The following ZNF385D variants were observed in gnomAD, a reference collection of about 807,000 sequenced individuals.
ZNF385D encodes the protein zinc finger protein 385D.
In ZNF385D, 15 loss-of-function variants were observed where a neutral mutation model predicts 35.8. The ratio of observed to expected loss-of-function variants is 0.42; its 90% confidence interval spans 0.28 to 0.64. The LOEUF (loss-of-function observed/expected upper bound fraction) is 0.64, where lower values mean the gene tolerates loss of function less well. Ranked by LOEUF, ZNF385D falls within the 30% of genes least tolerant of loss-of-function variation. The pLI is 0.23. For missense variants in ZNF385D, 474 were observed against 494.6 expected (o/e 0.96, Z 0.39); for synonymous variants, 212 against 186.8 (o/e 1.13, Z -1.10).
chr3:22,228,451 T>C (rs139676793), intron 2 of ZNF385D, among the ~76,000 whole-genome samples: 2 of 152,250 alleles, frequency 1.3e-5, no homozygotes, highest in Non-Finnish European at 2.9e-5. Context: ...GGAAGATCAG[T>C]CAGCACAATT....
chr3:21,791,575 T>A, intron 3 of ZNF385D, among the ~76,000 whole-genome samples: 1 of 152,202 alleles, frequency 6.6e-6, no homozygotes, highest in East Asian at 1.9e-4. Flanking sequence ...GCTTAGAGAC[T>A]TGAGTTCCCC....
chr3:21,768,846 T>C (rs1327277670), intron 3 of ZNF385D, among the ~76,000 whole-genome samples: 1 of 151,950 alleles, frequency 6.6e-6, no homozygotes, highest in African/African-American at 2.4e-5. Context: ...GCAACCATTT[T>C]TTCCCTCCTT....
intron 2 of ZNF385D, among the ~76,000 whole-genome samples, chr3:22,287,557 C>A (rs957819915): frequency 6.6e-6 from 1 of 151,846 alleles, no homozygotes; most frequent in South Asian, 2.1e-4. Context: ...TATGCTGAGG[C>A]TTACAAAAAG....
intron 1 of ZNF385D, 97 bp downstream of exon 1, chr3:21,750,798 A>T (rs566621071): frequency 4.1e-5 from 61 of 1,504,810 alleles, no homozygotes; most frequent in Non-Finnish European, 5.3e-5. Context: ...GGTTTAATGT[A>T]ACATATTCTT....
chr3:21,775,815 T>C (rs1017682131), intron 3 of ZNF385D, among the ~76,000 whole-genome samples: 4 of 151,986 alleles, frequency 2.6e-5, no homozygotes, highest in African/African-American at 9.6e-5. Flanking sequence ...CACATTTCTT[T>C]CTAGAGCTCA....
intron 1 of ZNF385D, among the ~76,000 whole-genome samples, chr3:21,674,727 C>T (rs1259957851): frequency 6.6e-6 from 1 of 152,200 alleles, no homozygotes; most frequent in South Asian, 2.1e-4. Context: ...CTGCTCTGGC[C>T]TGCACAGGCT....
intron 3 of ZNF385D, among the ~76,000 whole-genome samples, chr3:22,041,391 C>T (rs1698654646): frequency 6.6e-6 from 1 of 152,062 alleles, no homozygotes; most frequent in Admixed American, 6.6e-5. Flanking sequence ...AGTTGGAGAA[C>T]TGGGGTAATA....
intron 3 of ZNF385D, among the ~76,000 whole-genome samples, chr3:22,140,536 A>C (rs1470341050): frequency 6.6e-6 from 1 of 152,170 alleles, no homozygotes; most frequent in Non-Finnish European, 1.5e-5. Flanking sequence ...CCCCCCAAAA[A>C]CATGTAAAAG....
intron 3 of ZNF385D, among the ~76,000 whole-genome samples, chr3:22,040,852 T>C (rs1292958966): frequency 6.6e-6 from 1 of 152,188 alleles, no homozygotes; most frequent in Non-Finnish European, 1.5e-5. Flanking sequence ...TATCATGCTA[T>C]GTTTGCAATG....
rs1252847351 is a variant in ZNF385D at position 21,414,817 on chromosome 3, C to A, written c.*6397G>T. Reference sequence around the variant, plus strand: ...ATTTTTCTATAATCCATTTAAAAACCAGATGCCATAAAATGGAATTTTTCT... The same window carrying A: ...ATTTTTCTATAATCCATTTAAAAACAAGATGCCATAAAATGGAATTTTTCT... On this transcript the variant is annotated 3_prime_UTR_variant, in exon 8 of 8. Coordinates refer to ENST00000281523, the MANE Select transcript of ZNF385D (RefSeq NM_024697.3). 1 of 152,080 alleles carries A rather than the reference C, an allele frequency of 6.6e-6. No homozygotes were observed. Among genetic ancestry groups the A allele is most frequent in the Admixed American group, 6.6e-5 (1 of 15,260 alleles). 9.4% of individuals were successfully genotyped at this position (152,080 alleles called of 1,614,324 possible).
chr3:21,828,405 T>G (rs2125756255), intron 3 of ZNF385D, among the ~76,000 whole-genome samples: 1 of 152,302 alleles, frequency 6.6e-6, no homozygotes, highest in South Asian at 2.1e-4. Context: ...TTACTACATT[T>G]TGGTGCCCAT....
Position 21,757,120 on chromosome 3 carries a change from C to CTTTTTTTTTTTTTTTTTTTTTTTT in ZNF385D, c.326-92093_326-92092insAAAAAAAAAAAAAAAAAAAAAAAA, listed in dbSNP as rs61226426. Among the ~76,000 whole-genome samples, 67 of 106,410 alleles carry CTTTTTTTTTTTTTTTTTTTTTTTT rather than the reference C, an allele frequency of 6.3e-4. 3 individuals carry two copies. Among genetic ancestry groups the CTTTTTTTTTTTTTTTTTTTTTTTT allele is most frequent in the African/African-American group, 1.8e-3 (50 of 27,910 alleles). The allele number at this position is 106,410 out of a possible 152,430, so 69.8% of individuals were successfully genotyped here. A position where few individuals can be genotyped will look rare whatever the true frequency, so the allele number is the denominator to read the frequency against. On this transcript the variant is annotated intron_variant, in intron 3 of 5. Transcript: ENST00000494108. ...CTTTGGAGACATATGATAAATTTCTCTTTTTTTTTTTTTTTTTTTGTTTTC... is the reference window on the plus strand; with the variant it reads ...CTTTGGAGACATATGATAAATTTCTCTTTTTTTTTTTTTTTTTTTTTTTTTTTTTTTTTTTTTTTTTTTGTTTTC...
chr3:21,577,617 A>C (rs1365789814), intron 2 of ZNF385D, among the ~76,000 whole-genome samples: 2 of 152,108 alleles, frequency 1.3e-5, no homozygotes, highest in African/African-American at 4.8e-5. Flanking sequence ...ACTAATTTAC[A>C]TTCCCACCAA....
intron 3 of ZNF385D, among the ~76,000 whole-genome samples, chr3:21,920,660 C>T (rs1700413023): frequency 6.7e-6 from 1 of 149,046 alleles, no homozygotes; most frequent in South Asian, 2.1e-4. Context: ...AATTCTTTTC[C>T]TTCATGCTCT....
At chr3:21,943,538 T>C (rs964276107) in intron 3 of ZNF385D, among the ~76,000 whole-genome samples, 7 of 151,536 alleles carry the variant, frequency 4.6e-5, no homozygotes, top group African/African-American at 7.3e-5. Context: ...AATTAGTTCA[T>C]ATGATACAGT....
rs1575117428 is a variant in ZNF385D, at chr3:21,531,984, C to T, written c.277-20961G>A. ...TGATAATGGGTAAAGCTACACAGAT[C>T]TGGGCACAAGGTAAATGGGAAATCT... is the stretch of plus-strand genomic sequence containing the variant. On this transcript the variant is annotated intron_variant, in intron 3 of 7. Coordinates refer to ENST00000281523, the MANE Select transcript of ZNF385D (RefSeq NM_024697.3). Among the ~76,000 whole-genome samples the T allele has an allele frequency of 1.3e-5, 2 of 152,210 alleles. 1 individual carries two copies. The highest frequency in any genetic ancestry group is 4.1e-4 in the South Asian group (2 of 4,820).
intron 3 of ZNF385D, among the ~76,000 whole-genome samples, chr3:21,866,474 C>G (rs1697371308): frequency 6.6e-6 from 1 of 152,030 alleles, no homozygotes. Context: ...AAATACTCGC[C>G]AGGTTTTATG....
At chr3:21,809,552 A>G (rs928758197) in intron 3 of ZNF385D, among the ~76,000 whole-genome samples, 3 of 151,508 alleles carry the variant, frequency 2.0e-5, no homozygotes, top group African/African-American at 7.3e-5. Context: ...AAGAATGTAT[A>G]TAACCCCTAC....
rs1404772610 is a variant in ZNF385D, at chr3:21,420,197, ACTGGT to A, written c.*1012_*1016del. The A allele has an allele frequency of 6.6e-6, 1 of 152,148 alleles. No homozygotes were observed. The highest frequency in any genetic ancestry group is 1.5e-5 in the Non-Finnish European group (1 of 68,016). 9.4% of individuals were successfully genotyped at this position (152,148 alleles called of 1,614,324 possible). A position where few individuals can be genotyped will look rare whatever the true frequency, so the allele number is the denominator to read the frequency against. ...AAACCTTTGCCTAAGAAACAACCCT[ACTGGT>A]ATGATATAAAGGGGATACTGCAGAG... On this transcript the variant is annotated 3_prime_UTR_variant, in exon 8 of 8. Transcript: ENST00000281523.
Sources: allele counts gnomAD v4.1 joint callset (sites outside exome capture counted in the v4.1 genomes callset), GRCh38; gene constraint gnomAD v4.1.1; transcripts MANE v1.5; gene names NCBI Gene and HGNC (gene_info 2026-07-23, HGNC 2026-07-21).